USP40: variants seen among roughly 807,000 people sequenced by gnomAD.
USP40 encodes ubiquitin specific peptidase 40.
USP40 carries 143 observed loss-of-function variants against 166.2 expected under a neutral mutation model. That is an observed-to-expected ratio of 0.86 (90% confidence interval 0.75 to 0.99). The LOEUF (loss-of-function observed/expected upper bound fraction) is 0.99. Among genes scored for constraint, USP40 ranks in the 50% least tolerant of loss-of-function variants. The pLI, the probability that USP40 is intolerant of heterozygous loss-of-function variation, is 0.00. For synonymous variants in USP40, 498 were observed against 524.0 expected (o/e 0.95, Z 0.68); for missense variants, 1,444 against 1,479.7 (o/e 0.98, Z 0.40).
chr2:233,512,644 T>G, intron 18 of USP40, 22 bp from the exon 19 acceptor site: 1 of 1,391,102 alleles, frequency 7.2e-7, no homozygotes, highest in Non-Finnish European at 9.7e-7. Flanking sequence ...AGGAATATTA[T>G]TTTTCTTAGA....
intron 18 of USP40, among the ~76,000 whole-genome samples, chr2:233,515,220 A>G (rs1449200542): frequency 6.6e-6 from 1 of 152,192 alleles, no homozygotes; most frequent in African/African-American, 2.4e-5. Flanking sequence ...TTATAAGGAT[A>G]TATGTTTTAA....
intron 24 of USP40, 86 bp downstream of exon 24, chr2:233,496,672 C>A: frequency 1.8e-6 from 2 of 1,116,180 alleles, no homozygotes; most frequent in East Asian, 2.5e-5. Context: ...TGAATTTCCC[C>A]ATTTTCCCTA....
intron 10 of USP40, among the ~76,000 whole-genome samples, chr2:233,534,345 G>GA (rs1369457200): frequency 6.6e-6 from 1 of 152,080 alleles, no homozygotes; most frequent in Non-Finnish European, 1.5e-5. Context: ...GGATTAAGAA[G>GA]AAAAAAATTT....
chr2:233,553,123 G>T (rs573142335), intron 6 of USP40, among the ~76,000 whole-genome samples: 1 of 152,014 alleles, frequency 6.6e-6, no homozygotes, highest in South Asian at 2.1e-4. Context: ...ACAGGAAATG[G>T]TATTAATATA....
intron 10 of USP40, among the ~76,000 whole-genome samples, chr2:233,534,681 A>C (rs1330064278): frequency 6.6e-6 from 1 of 152,204 alleles, no homozygotes; most frequent in African/African-American, 2.4e-5. Flanking sequence ...ACAGAGGGTA[A>C]AACAGCCTTG....
chr2:233,479,628 CGTGTGTGTGTGT>C (rs72454809), intron 31 of USP40, among the ~76,000 whole-genome samples: 10 of 145,414 alleles, frequency 6.9e-5, no homozygotes, highest in South Asian at 2.2e-4. Context: ...TAGAATTTTA[CGTGTGTGTGTGT>C]GTGTGTGTGT....
chr2:233,485,795 T>C lies in USP40; in HGVS notation c.3380A>G (p.Lys1127Arg), dbSNP rs777477484. The C allele has an allele frequency of 6.2e-7, 1 of 1,612,508 alleles. No individual in the cohort carries two copies. The highest frequency in any genetic ancestry group is 8.5e-7 in the Non-Finnish European group (1 of 1,179,478). ...GCTAGATATCGGAAGCCACTCGAACTTTTCGGGAAAGTATTTGGCAATTTC... is the reference window on the plus strand; with the variant it reads ...GCTAGATATCGGAAGCCACTCGAACCTTTCGGGAAAGTATTTGGCAATTTC... The part of the protein sequence containing the change: ...KIEIAKYFPE[K>R]FEWLPISSWN... The change falls in exon 29 of 32, where the codon AAG becomes AGG. Residue 1127 changes from lysine (K) to arginine (R), a missense_variant. Lys to Arg is a conservative substitution (Grantham distance 26, BLOSUM62 2). Coordinates refer to ENST00000678225, the MANE Select transcript of USP40 (RefSeq NM_001365479.2).
intron 10 of USP40, among the ~76,000 whole-genome samples, chr2:233,540,062 T>C (rs1466804070): frequency 2.0e-5 from 3 of 146,892 alleles, no homozygotes; most frequent in South Asian, 2.2e-4. Flanking sequence ...GAGGTGGAGG[T>C]TGCAGTGAGC....
chr2:233,488,007 C>T (rs761775648), intron 28 of USP40: 12 of 680,076 alleles, frequency 1.8e-5, no homozygotes, highest in Non-Finnish European at 2.8e-5. Flanking sequence ...CAATATGCAC[C>T]TGGTGATTAC....
intron 25 of USP40, among the ~76,000 whole-genome samples, chr2:233,492,082 T>A (rs542834358): frequency 1.3e-5 from 2 of 152,252 alleles, no homozygotes; most frequent in African/African-American, 4.8e-5. Context: ...ACCTGCTACA[T>A]AATGATTTGG....
chr2:233,545,239 C>T (rs1274084641), intron 8 of USP40, among the ~76,000 whole-genome samples: 6 of 152,072 alleles, frequency 3.9e-5, no homozygotes, highest in South Asian at 4.1e-4. Flanking sequence ...TTTATGACAA[C>T]GGGATAAGAG....
rs777140469 is a variant in USP40, at chr2:233,533,746, T to C, written c.1204A>G (p.Ser402Gly). ...AGACGAACTGTACTTTCATCTGAAC[T>C]GAGTAGAAATATCTGAGAATGGAGC... is the stretch of plus-strand genomic sequence containing the variant. ...LQLHSQIFLL[S>G]SDESTVRLLK... Residue 402 changes from serine to glycine, a missense_variant, in exon 11 of 32, where the codon AGT becomes GGT. Transcript: ENST00000678225. 3 of 1,609,286 alleles carry C rather than the reference T, an allele frequency of 1.9e-6. No individual in the cohort carries two copies. Among genetic ancestry groups the C allele is most frequent in the Non-Finnish European group, 2.5e-6 (3 of 1,177,568 alleles).
At chr2:233,482,093 T>C (rs1230656991) in intron 30 of USP40, among the ~76,000 whole-genome samples, 1 of 152,212 alleles carries the variant, frequency 6.6e-6, no homozygotes, top group African/African-American at 2.4e-5. Flanking sequence ...CAGGAGGGTC[T>C]GGCTACTTCT....
At chr2:233,552,683 C>A (rs931819434) in intron 6 of USP40, among the ~76,000 whole-genome samples, 2 of 151,946 alleles carry the variant, frequency 1.3e-5, no homozygotes, top group African/African-American at 2.4e-5. Context: ...GATGAAGGGG[C>A]AAAAACTGGA....
At chr2:233,520,084 A>G (rs2067549126) in intron 17 of USP40, among the ~76,000 whole-genome samples, 1 of 152,212 alleles carries the variant, frequency 6.6e-6, no homozygotes, top group East Asian at 1.9e-4. Flanking sequence ...ATAAATAAAA[A>G]TGTATACTAT....
intron 21 of USP40, among the ~76,000 whole-genome samples, chr2:233,504,253 A>AACCAGAAAACGATTAACAAAATGGC (rs1260346173): frequency 6.6e-5 from 10 of 152,104 alleles, no homozygotes; most frequent in Non-Finnish European, 1.5e-4. Context: ...TCTACAAAAC[A>AACCAGAAAACGATTAACAAAATGGC]ACCAGAAAAC....
intron 18 of USP40, among the ~76,000 whole-genome samples, chr2:233,513,811 T>C (rs1305519858): frequency 6.6e-6 from 1 of 152,120 alleles, no homozygotes; most frequent in Non-Finnish European, 1.5e-5. Flanking sequence ...GCATACCAAG[T>C]TTTCAGTTCA....
At chr2:233,511,834 AT>A in intron 19 of USP40, 37 bp from the exon 20 acceptor site, 3 of 1,463,796 alleles carry the variant, frequency 2.0e-6, no homozygotes, top group Non-Finnish European at 2.8e-6. Context: ...AAGGTTATTA[AT>A]TCCTAGCTCT....
Position 233,485,528 on chromosome 2 carries a change from T to C in USP40, c.3504+3A>G, listed in dbSNP as rs571653258. 3.2e-5 allele frequency: 51 copies of C among 1,611,576 alleles called. No individual in the cohort carries two copies. The African/African-American group carries it at 6.3e-4, about 20-fold the overall frequency. ...GTGGTAAATTTGCTGTTAAACAACT[T>C]ACCTTAACACCAATAGTATCTCCGT... On this transcript the variant is annotated splice_donor_region_variant and intron_variant, in intron 30 of 31. Transcript: ENST00000678225.
Sources: gnomAD v4.1 joint callset for allele counts (sites outside exome capture counted in the v4.1 genomes callset) on GRCh38, gnomAD v4.1.1 for gene constraint, MANE v1.5 for transcripts, NCBI Gene and HGNC (gene_info 2026-07-23, HGNC 2026-07-21) for gene names.